The following SLC22A15 variants were observed in gnomAD, a reference collection of about 807,000 sequenced individuals.
SLC22A15 encodes solute carrier family 22 member 15.
A neutral mutation model predicts 62.7 loss-of-function variants in SLC22A15; 45 were observed. That is an observed-to-expected ratio of 0.72 (90% confidence interval 0.56 to 0.92). SLC22A15 has a LOEUF of 0.92. Ranked by LOEUF, SLC22A15 falls within the 40% of genes least tolerant of loss-of-function variation. SLC22A15 has a pLI of 0.00. For synonymous variants in SLC22A15, 264 were observed against 267.0 expected, an observed-to-expected ratio of 0.99 and a Z score of 0.11; for missense variants, 622 against 665.6, an observed-to-expected ratio of 0.93 and a Z score of 0.72.
Position 115,991,971 on chromosome 1 carries a change from T to C in SLC22A15, c.88-60T>C, listed in dbSNP as rs1307762287. ...TTTCAAGGTTTGCAAGCCTGCTAAG[T>C]GTCTTCAACATTGATGGCAAATATC... On this transcript the variant is annotated intron_variant, in intron 1 of 11. Coordinates refer to ENST00000369503, the MANE Select transcript of SLC22A15 (RefSeq NM_018420.3). The C allele has an allele frequency of 2.1e-6, 3 of 1,439,390 alleles. No individual in the cohort carries two copies. The Admixed American group carries it at 5.2e-5, about 25-fold the overall frequency. The allele number at this position is 1,439,390 out of a possible 1,614,324, so 89.2% of individuals were successfully genotyped here. A position where few individuals can be genotyped will look rare whatever the true frequency, so the allele number is the denominator to read the frequency against.
At chr1:115,985,469 T>C (rs7547928) in intron 1 of SLC22A15, among the ~76,000 whole-genome samples, 73,977 of 152,108 alleles carry the variant, frequency 0.49, 20,693 homozygotes, top group Non-Finnish European at 0.64. Context: ...TATGACTGTT[T>C]GTTGTCCTCA....
chr1:116,035,073 C>A, intron 6 of SLC22A15, 114 bp from the exon 7 acceptor site: 4 of 1,101,202 alleles, frequency 3.6e-6, no homozygotes, highest in Non-Finnish European at 2.6e-6. Context: ...TTGCTTACAG[C>A]AGATCAAGCA....
At chr1:116,018,047 G>A (rs1355214567) in intron 2 of SLC22A15, among the ~76,000 whole-genome samples, 4 of 152,198 alleles carry the variant, frequency 2.6e-5, no homozygotes, top group Non-Finnish European at 5.9e-5. Context: ...TCACATTTAA[G>A]TGTGTAGTTT....
At chr1:116,054,638 T>C (rs1422606852) in intron 8 of SLC22A15, among the ~76,000 whole-genome samples, 1 of 152,118 alleles carries the variant, frequency 6.6e-6, no homozygotes, top group Non-Finnish European at 1.5e-5. Flanking sequence ...TATTCCAAAA[T>C]TGACCACATA....
Position 116,026,993 on chromosome 1 carries a change from G to T in SLC22A15, c.699G>T (p.Leu233=). ...GGACCCTAGCCATTCTGGTTAACCT[G>T]CAGGGAACGGTGGTCTTTCTCTTAT... ...SWRTLAILVN[L]QGTVVFLLSL... Residue 233 remains leucine (L), a synonymous_variant, in exon 5 of 12, where the codon CTG becomes CTT. Transcript: ENST00000369503. The T allele has an allele frequency of 6.2e-7, 1 of 1,613,820 alleles. No individual in the cohort carries two copies. The highest frequency in any genetic ancestry group is 8.5e-7 in the Non-Finnish European group (1 of 1,179,764).
At chr1:116,010,373 A>G (rs1010217604) in intron 2 of SLC22A15, among the ~76,000 whole-genome samples, 8 of 152,226 alleles carry the variant, frequency 5.3e-5, no homozygotes, top group Non-Finnish European at 7.3e-5. Context: ...TATTAAAACT[A>G]TTTGAAAAAT....
chr1:116,041,832 G>A (rs1432114471), intron 8 of SLC22A15, among the ~76,000 whole-genome samples: 2 of 152,144 alleles, frequency 1.3e-5, no homozygotes, highest in Admixed American at 1.3e-4. Context: ...GTGGCAGGCA[G>A]AACAATCCTT....
chr1:116,017,229 G>A (rs1336585519), intron 2 of SLC22A15, among the ~76,000 whole-genome samples: 5 of 151,898 alleles, frequency 3.3e-5, no homozygotes, highest in African/African-American at 7.3e-5. Flanking sequence ...CCTGAACCAC[G>A]TATTTAAAGT....
chr1:116,046,197 C>G (rs1304756098), intron 8 of SLC22A15, among the ~76,000 whole-genome samples: 1 of 151,858 alleles, frequency 6.6e-6, no homozygotes, highest in East Asian at 1.9e-4. Flanking sequence ...TTGAGTTAGG[C>G]AAATATTTCT....
At chr1:116,002,189 A>C (rs1355388643) in intron 2 of SLC22A15, among the ~76,000 whole-genome samples, 1 of 152,152 alleles carries the variant, frequency 6.6e-6, no homozygotes, top group Non-Finnish European at 1.5e-5. Flanking sequence ...ACTGTTTTCC[A>C]AACAAACAGC....
chr1:115,999,465 TGG>T (rs1294655126), intron 2 of SLC22A15, among the ~76,000 whole-genome samples: 1 of 151,858 alleles, frequency 6.6e-6, no homozygotes, highest in Admixed American at 6.6e-5. Flanking sequence ...TTCATATATT[TGG>T]GTGCTCCAGT....
At chr1:116,052,145 C>T (rs1175485389) in intron 8 of SLC22A15, among the ~76,000 whole-genome samples, 1 of 152,190 alleles carries the variant, frequency 6.6e-6, no homozygotes, top group Non-Finnish European at 1.5e-5. Flanking sequence ...AGTTCCCTTT[C>T]CTGGTCAAGG....
chr1:116,051,452 A>G (rs1311441210), intron 8 of SLC22A15, among the ~76,000 whole-genome samples: 5 of 152,218 alleles, frequency 3.3e-5, no homozygotes, highest in Non-Finnish European at 5.9e-5. Context: ...AAACAAAAAC[A>G]TAAAGTGGGG....
At chr1:116,037,409 C>A in intron 8 of SLC22A15, 21 bp downstream of exon 8, 1 of 1,566,974 alleles carries the variant, frequency 6.4e-7, no homozygotes, top group Non-Finnish European at 8.8e-7. Context: ...CAAATTTCTA[C>A]AAGGGTTTTG....
At chr1:116,032,369 C>G in intron 6 of SLC22A15, 3 of 985,352 alleles carry the variant, frequency 3.0e-6, no homozygotes, top group Non-Finnish European at 3.6e-6. Flanking sequence ...TAAGTGTTAT[C>G]TGGGCAAAAT....
chr1:116,050,292 A>G (rs1658016734), intron 8 of SLC22A15, among the ~76,000 whole-genome samples: 1 of 152,288 alleles, frequency 6.6e-6, no homozygotes, highest in South Asian at 2.1e-4. Flanking sequence ...ACATAACCAA[A>G]AAAGAAAACT....
chr1:116,030,702 G>T (rs1333775679), intron 5 of SLC22A15, among the ~76,000 whole-genome samples: 4 of 152,070 alleles, frequency 2.6e-5, no homozygotes, highest in African/African-American at 9.7e-5. Flanking sequence ...ATTCTTTAAG[G>T]TCTTGGGGGA....
At chr1:116,050,509 A>G (rs1332793304) in intron 8 of SLC22A15, among the ~76,000 whole-genome samples, 1 of 152,242 alleles carries the variant, frequency 6.6e-6, no homozygotes, top group East Asian at 1.9e-4. Flanking sequence ...ATCTCAATAG[A>G]TGCAGAAAAA....
intron 7 of SLC22A15, among the ~76,000 whole-genome samples, chr1:116,036,741 A>G (rs562918514): frequency 3.3e-5 from 5 of 152,336 alleles, no homozygotes; most frequent in Non-Finnish European, 2.9e-5. Flanking sequence ...CTTTTATTTG[A>G]AAATTGCTTC....
Sources: gnomAD v4.1 joint callset for allele counts (sites outside exome capture counted in the v4.1 genomes callset) on GRCh38, gnomAD v4.1.1 for gene constraint, MANE v1.5 for transcripts, NCBI Gene and HGNC (gene_info 2026-07-23, HGNC 2026-07-21) for gene names.